Variants in NALF1 observed in about 807,000 individuals in gnomAD.
The protein encoded by NALF1 is NALCN channel auxiliary factor 1.
NALF1 carries 3 observed loss-of-function variants against 48.4 expected under a neutral mutation model. The ratio of observed to expected loss-of-function variants is 0.06; its 90% CI spans 0.03 to 0.16. The LOEUF (loss-of-function observed/expected upper bound fraction) is 0.16, where lower values mean the gene tolerates loss of function less well. Among genes scored for constraint, NALF1 ranks in the 10% least tolerant of loss-of-function variants. The probability of loss-of-function intolerance (pLI) is 1.00; values close to 1 mark genes in which losing one functional copy is unlikely to be tolerated. For synonymous variants in NALF1, 262 were observed against 245.7 expected (o/e 1.07, Z -0.62); for missense variants, 526 against 571.5 (o/e 0.92, Z 0.81).
At chr13:107,687,039 C>T (rs1341609) in intron 1 of NALF1, among the ~76,000 whole-genome samples, 82,827 of 151,898 alleles carry the variant, frequency 0.55, 23,039 homozygotes, top group Middle Eastern at 0.69. Context: ...AACAAGATCA[C>T]GGAATCAACT....
In NALF1 at chr13:107,170,355, A is replaced by G. The variant is rs1352689459; in HGVS notation, c.*142T>C. On this transcript the variant is annotated 3_prime_UTR_variant, in exon 3 of 3. Transcript: ENST00000375915. ...TGTGGTTGTGTCCTTGTTTGGATTC[A>G]GGCCCATCTGTTTAAATTTTACCCT... 1.7e-5 allele frequency: 12 copies of G among 702,750 alleles called. No homozygotes were observed. The highest frequency in any genetic ancestry group is 2.8e-5 in the Non-Finnish European group (12 of 434,172). The allele number at this position is 702,750 out of a possible 1,614,324, so 43.5% of individuals were successfully genotyped here. A position where few individuals can be genotyped will look rare whatever the true frequency, so the allele number is the denominator to read the frequency against.
intron 1 of NALF1, among the ~76,000 whole-genome samples, chr13:107,800,762 T>C (rs1878589934): frequency 6.7e-6 from 1 of 148,182 alleles, no homozygotes; most frequent in African/African-American, 2.4e-5. Context: ...TATAATACAG[T>C]GTATAATATA....
intron 1 of NALF1, among the ~76,000 whole-genome samples, chr13:107,589,104 G>A (rs765661058): frequency 7.9e-5 from 12 of 151,944 alleles, no homozygotes; most frequent in South Asian, 2.1e-4. Flanking sequence ...GAGGAGTAGC[G>A]TATACAATGA....
At chr13:107,552,370 T>C (rs992858851) in intron 1 of NALF1, among the ~76,000 whole-genome samples, 7 of 152,154 alleles carry the variant, frequency 4.6e-5, no homozygotes, top group African/African-American at 1.4e-4. Context: ...TATGATATCG[T>C]TATTTAAGTA....
chr13:107,200,099 C>A (rs1363866506), intron 2 of NALF1, among the ~76,000 whole-genome samples: 4 of 152,186 alleles, frequency 2.6e-5, no homozygotes, highest in African/African-American at 9.7e-5. Context: ...ACCCAACTCA[C>A]CAAAACGAGA....
At chr13:107,366,088 A>C (rs1219201134) in intron 1 of NALF1, among the ~76,000 whole-genome samples, 1 of 152,230 alleles carries the variant, frequency 6.6e-6, no homozygotes, top group Non-Finnish European at 1.5e-5. Flanking sequence ...ATGACAAATC[A>C]GGATTTACTT....
At chr13:107,527,293 A>G (rs2139103148) in intron 1 of NALF1, among the ~76,000 whole-genome samples, 1 of 152,234 alleles carries the variant, frequency 6.6e-6, no homozygotes, top group South Asian at 2.1e-4. Flanking sequence ...ATAAATTAAC[A>G]TCAGCGAAGC....
In NALF1 at chr13:107,163,935, A is replaced by G. The variant is rs181649671; in HGVS notation, c.*6562T>C. 2.6e-5 allele frequency: 4 copies of G among 152,368 alleles called. No individual in the cohort carries two copies. The highest frequency in any genetic ancestry group is 4.8e-5 in the African/African-American group (2 of 41,600). 9.4% of individuals were successfully genotyped at this position (152,368 alleles called of 1,614,324 possible). A position where few individuals can be genotyped will look rare whatever the true frequency, so the allele number is the denominator to read the frequency against. ...AGCAAGAGGTTTTCTTTTAACGTCC[A>G]TATAGAGCTTTAACTTTTGCTGTAG... On this transcript the variant is annotated 3_prime_UTR_variant, in exon 3 of 3. Transcript: ENST00000375915.
chr13:107,689,098 T>A (rs1881508402), intron 1 of NALF1, among the ~76,000 whole-genome samples: 1 of 152,150 alleles, frequency 6.6e-6, no homozygotes, highest in Non-Finnish European at 1.5e-5. Context: ...GGAGATATTT[T>A]TTGTATTCCC....
At chr13:107,191,462 T>C (rs1291235050) in intron 2 of NALF1, among the ~76,000 whole-genome samples, 2 of 152,126 alleles carry the variant, frequency 1.3e-5, no homozygotes, top group Non-Finnish European at 2.9e-5. Flanking sequence ...TTTCAAAAAA[T>C]ATATCTGAAA....
intron 1 of NALF1, among the ~76,000 whole-genome samples, chr13:107,288,303 T>C (rs1420533299): frequency 6.8e-6 from 1 of 146,396 alleles, no homozygotes; most frequent in Non-Finnish European, 1.5e-5. Flanking sequence ...CACTGCAAGC[T>C]CCGCCTCCCG....
At chr13:107,323,580 C>A (rs1882296659) in intron 1 of NALF1, among the ~76,000 whole-genome samples, 1 of 152,028 alleles carries the variant, frequency 6.6e-6, no homozygotes, top group Non-Finnish European at 1.5e-5. Flanking sequence ...CTTCCAATGA[C>A]TCCTAATTAC....
At chr13:107,194,004 TATCTTATCTATC>T (rs1286809647) in intron 2 of NALF1, among the ~76,000 whole-genome samples, 4 of 142,084 alleles carry the variant, frequency 2.8e-5, no homozygotes, top group Non-Finnish European at 4.6e-5. Context: ...TATACCTATC[TATCTTATCTATC>T]TATCTATCTA....
intron 1 of NALF1, among the ~76,000 whole-genome samples, chr13:107,782,188 C>A (rs574635801): frequency 1.2e-3 from 190 of 152,306 alleles, no homozygotes; most frequent in South Asian, 3.9e-3. Flanking sequence ...CGAGTGCCTG[C>A]GATTGCAGGC....
chr13:107,516,663 A>G (rs1286175322), intron 1 of NALF1, among the ~76,000 whole-genome samples: 2 of 152,192 alleles, frequency 1.3e-5, no homozygotes, highest in Non-Finnish European at 2.9e-5. Flanking sequence ...TCTCTGCTAT[A>G]AACAGACAAA....
intron 2 of NALF1, among the ~76,000 whole-genome samples, chr13:107,182,994 A>T (rs1879098680): frequency 6.6e-6 from 1 of 152,204 alleles, no homozygotes; most frequent in South Asian, 2.1e-4. Context: ...CTCCAACATG[A>T]AGAGCAAAAT....
At chr13:107,175,610 T>C (rs1211850193) in intron 2 of NALF1, among the ~76,000 whole-genome samples, 3 of 152,246 alleles carry the variant, frequency 2.0e-5, no homozygotes, top group Admixed American at 6.5e-5. Flanking sequence ...TGACTTGAAT[T>C]CTGACAGATG....
intron 1 of NALF1, among the ~76,000 whole-genome samples, chr13:107,728,552 G>A (rs540451308): frequency 1.3e-5 from 2 of 152,056 alleles, no homozygotes; most frequent in South Asian, 4.2e-4. Context: ...GGAAAGGGGA[G>A]GGACAGCATT....
intron 1 of NALF1, among the ~76,000 whole-genome samples, chr13:107,525,758 T>G (rs958256619): frequency 7.9e-5 from 12 of 152,140 alleles, no homozygotes; most frequent in South Asian, 4.1e-4. Context: ...GCACGAGAGA[T>G]CTAATGCTCT....
Sources: allele counts gnomAD v4.1 joint callset (sites outside exome capture counted in the v4.1 genomes callset), GRCh38; gene constraint gnomAD v4.1.1; transcripts MANE v1.5; gene names NCBI Gene and HGNC (gene_info 2026-07-23, HGNC 2026-07-21).